DYNC1H1: variants seen among roughly 807,000 people sequenced by gnomAD.
DYNC1H1 encodes dynein cytoplasmic 1 heavy chain 1, also known as cytoplasmic dynein 1 heavy chain 1.
Under a neutral mutation model 527.1 loss-of-function variants are expected in DYNC1H1, and 51 were observed. That is an observed-to-expected ratio of 0.10 (90% CI 0.08 to 0.12). The LOEUF (loss-of-function observed/expected upper bound fraction) is 0.12. Ranked by LOEUF, DYNC1H1 falls within the 10% of genes least tolerant of loss-of-function variation. The probability of loss-of-function intolerance (pLI) is 1.00; values close to 1 mark genes in which losing one functional copy is unlikely to be tolerated. For synonymous variants in DYNC1H1, 2,189 were observed against 2,278.8 expected (o/e 0.96, Z 1.12); for missense variants, 2,771 against 5,971.8 (o/e 0.46, Z 17.66).
rs1259944858 is a variant in DYNC1H1, at chr14:101,986,828, T to C, written c.2538+65T>C. 6.4e-7 allele frequency: 1 copy of C among 1,574,320 alleles called. No homozygotes were observed. Among genetic ancestry groups the C allele is most frequent in the African/African-American group, 1.3e-5 (1 of 74,158 alleles). On this transcript the variant is annotated intron_variant, in intron 8 of 77. Coordinates refer to ENST00000360184, the MANE Select transcript of DYNC1H1 (RefSeq NM_001376.5). This position sits in a 1 kb window ranked among gnomAD's most constrained non-coding sequence, Gnocchi z 8.7. ...TGAAGCACAGTAATAGCGAGCTCAG[T>C]TAAAACACTAGTTCTCCCGAAGAAG...
In DYNC1H1 at chr14:101,987,569, G is replaced by A; in HGVS notation, c.2655G>A (p.Val885=). 1 of 1,614,120 alleles carries A rather than the reference G, an allele frequency of 6.2e-7. No individual in the cohort carries two copies. Among genetic ancestry groups the A allele is most frequent in the Non-Finnish European group, 8.5e-7 (1 of 1,180,028 alleles). The stretch of plus-strand genomic sequence containing the variant: ...TCTTGAACAGAGTCCAGAAAGCAGT[G>A]GATGACTTAAATCTGCACTCCTATT... ...SEILNRVQKA[V]DDLNLHSYSN... is the part of the protein sequence containing the mutation. Residue 885 remains valine (V), a synonymous_variant, in exon 9 of 78, where the codon GTG becomes GTA. Coordinates refer to ENST00000360184, the MANE Select transcript of DYNC1H1 (RefSeq NM_001376.5).
chr14:101,990,429 G>T (rs927404437), intron 10 of DYNC1H1, among the ~76,000 whole-genome samples: 1 of 152,204 alleles, frequency 6.6e-6, no homozygotes, highest in Non-Finnish European at 1.5e-5. Context: ...AGGTGAAGCA[G>T]CACCTGCTGT....
At chr14:102,034,616 C>T (rs1372262038) in intron 56 of DYNC1H1, 164 bp downstream of exon 56, 4 of 1,144,148 alleles carry the variant, frequency 3.5e-6, no homozygotes, top group African/African-American at 1.5e-5. Context: ...GTGCTGTTCT[C>T]GTTATTGTCA....
In DYNC1H1 at chr14:102,034,360, C is replaced by A; in HGVS notation, c.10662C>A (p.Ser3554=). ...RTDIARTEYL[S]NADERLRWQA... ...ATATTGCCAGGACGGAATACCTTTCCAATGCTGATGAGCGTCTTCGCTGGC... is the reference window on the plus strand; with the variant it reads ...ATATTGCCAGGACGGAATACCTTTCAAATGCTGATGAGCGTCTTCGCTGGC... Residue 3554 remains serine, a synonymous_variant, in exon 56 of 78, where the codon TCC becomes TCA. Transcript: ENST00000360184. The A allele has an allele frequency of 1.2e-6, 2 of 1,614,208 alleles. No homozygotes were observed. Among genetic ancestry groups the A allele is most frequent in the Non-Finnish European group, 8.5e-7 (1 of 1,180,042 alleles).
chr14:102,011,816 G>T lies in DYNC1H1; in HGVS notation c.6619-59G>T. 3 of 1,567,742 alleles carry T rather than the reference G, an allele frequency of 1.9e-6. No individual in the cohort carries two copies. Among genetic ancestry groups the T allele is most frequent in the South Asian group, 2.2e-5 (2 of 90,000 alleles). On this transcript the variant is annotated intron_variant, in intron 32 of 77. Transcript: ENST00000360184. The surrounding 1 kb of genome is among the most constrained non-coding windows in gnomAD (Gnocchi z 5.3). Reference sequence around the variant, plus strand: ...ACTTTCACAAGAGGTGGCTGGGCGAGGAGCTGTCCCCATTCCTCCTCTGGG... The same window carrying T: ...ACTTTCACAAGAGGTGGCTGGGCGATGAGCTGTCCCCATTCCTCCTCTGGG...
Position 101,997,908 on chromosome 14 carries a change from G to C in DYNC1H1, c.3804+634G>C, listed in dbSNP as rs1470221969. Among the ~76,000 whole-genome samples the C allele has an allele frequency of 1.3e-5, 2 of 152,178 alleles. No individual in the cohort carries two copies. The highest frequency in any genetic ancestry group is 2.9e-5 in the Non-Finnish European group (2 of 68,024). ...GAAGAGACAGGAAAGGCAGGTGGTGGTGCTGCTGCGACAGAAGCAGATGAG... is the reference window on the plus strand; with the variant it reads ...GAAGAGACAGGAAAGGCAGGTGGTGCTGCTGCTGCGACAGAAGCAGATGAG... On this transcript the variant is annotated intron_variant, in intron 16 of 77. Coordinates refer to ENST00000360184, the MANE Select transcript of DYNC1H1 (RefSeq NM_001376.5). This position sits in a 1 kb window ranked among gnomAD's most constrained non-coding sequence, Gnocchi z 4.8.
Position 102,033,262 on chromosome 14 carries a change from T to C in DYNC1H1, c.10198-7T>C. 6.2e-7 allele frequency: 1 copy of C among 1,614,206 alleles called. No homozygotes were observed. The highest frequency in any genetic ancestry group is 8.5e-7 in the Non-Finnish European group (1 of 1,180,038). On this transcript the variant is annotated splice_region_variant and splice_polypyrimidine_tract_variant and intron_variant, in intron 53 of 77. Coordinates refer to ENST00000360184, the MANE Select transcript of DYNC1H1 (RefSeq NM_001376.5). The surrounding 1 kb of genome is among the most constrained non-coding windows in gnomAD (Gnocchi z 5.6). ...TTAAATAACAGTTATCAATTGGTTC[T>C]TCCCAGCTTAACTATGCAGACATGT...
Position 102,015,481 on chromosome 14 carries a change from T to C in DYNC1H1, c.7242+149T>C. ...TCTCAAAGTGCTGGGATTACAGGCATGAGTCACTGTACCCAGCCAACTTTT... is the reference window on the plus strand; with the variant it reads ...TCTCAAAGTGCTGGGATTACAGGCACGAGTCACTGTACCCAGCCAACTTTT... On this transcript the variant is annotated intron_variant, in intron 35 of 77. Coordinates refer to ENST00000360184, the MANE Select transcript of DYNC1H1 (RefSeq NM_001376.5). This position sits in a 1 kb window ranked among gnomAD's most constrained non-coding sequence, Gnocchi z 6.9. 1 of 951,374 alleles carries C rather than the reference T, an allele frequency of 1.1e-6. No individual in the cohort carries two copies. The highest frequency in any genetic ancestry group is 1.5e-6 in the Non-Finnish European group (1 of 648,762). 58.9% of individuals were successfully genotyped at this position (951,374 alleles called of 1,614,324 possible).
rs370591110 is a variant in DYNC1H1 at position 102,005,859 on chromosome 14, G to T, written c.5434-29G>T. 8.1e-5 allele frequency: 130 copies of T among 1,613,266 alleles called. No homozygotes were observed. In the African/African-American group the frequency reaches 1.7e-3, roughly 21 times the overall value. On this transcript the variant is annotated intron_variant, in intron 26 of 77. Coordinates refer to ENST00000360184, the MANE Select transcript of DYNC1H1 (RefSeq NM_001376.5). This position sits in a 1 kb window ranked among gnomAD's most constrained non-coding sequence, Gnocchi z 4.0. ...TGCACTGTATTGCTTTAGTGTAGAT[G>T]AACTTTTAAAGTGACTCTCTTTCTT...
In DYNC1H1 at chr14:102,049,655, A is replaced by C; in HGVS notation, c.13516-59A>C. The C allele has an allele frequency of 6.2e-7, 1 of 1,613,358 alleles. No individual in the cohort carries two copies. The highest frequency in any genetic ancestry group is 8.5e-7 in the Non-Finnish European group (1 of 1,179,980). ...CTGGGGTGGGAGTGGCTCTGGGGAA[A>C]AACACAGGGCCCAGGTCTGACCTGA... On this transcript the variant is annotated intron_variant, in intron 75 of 77. Transcript: ENST00000360184. This position sits in a 1 kb window ranked among gnomAD's most constrained non-coding sequence, Gnocchi z 5.5.
rs1280878179 is a variant in DYNC1H1, at chr14:102,001,091, G to A, written c.4185+27G>A. 8.7e-6 allele frequency: 14 copies of A among 1,613,946 alleles called. No homozygotes were observed. The highest frequency in any genetic ancestry group is 2.7e-5 in the African/African-American group (2 of 75,024). On this transcript the variant is annotated intron_variant, in intron 19 of 77. Coordinates refer to ENST00000360184, the MANE Select transcript of DYNC1H1 (RefSeq NM_001376.5). This position sits in a 1 kb window ranked among gnomAD's most constrained non-coding sequence, Gnocchi z 5.0. ...TAGGTGGCCAGTATCGCACGGTGATGAGTGTCCATTAGAAACGCACCTGCA... is the reference window on the plus strand; with the variant it reads ...TAGGTGGCCAGTATCGCACGGTGATAAGTGTCCATTAGAAACGCACCTGCA...
Position 101,985,977 on chromosome 14 carries a change from T to C in DYNC1H1, c.1752T>C (p.Ile584=). Reference sequence around the variant, plus strand: ...AGAATGCCAACGAGATGTTTAGGATTTTCTCCAGGTTTAATGCACTGTTTG... The same window carrying C: ...AGAATGCCAACGAGATGTTTAGGATCTTCTCCAGGTTTAATGCACTGTTTG... ...TAKNANEMFR[I]FSRFNALFVR... Residue 584 remains isoleucine, a synonymous_variant, in exon 8 of 78, where the codon ATT becomes ATC. Coordinates refer to ENST00000360184, the MANE Select transcript of DYNC1H1 (RefSeq NM_001376.5). This position sits in a 1 kb window ranked among gnomAD's most constrained non-coding sequence, Gnocchi z 5.9. 6.2e-7 allele frequency: 1 copy of C among 1,614,160 alleles called. No individual in the cohort carries two copies. The highest frequency in any genetic ancestry group is 1.1e-5 in the South Asian group (1 of 91,082).
At chr14:101,996,460 G>T (rs2048063574) in intron 15 of DYNC1H1, among the ~76,000 whole-genome samples, 1 of 151,938 alleles carries the variant, frequency 6.6e-6, no homozygotes, top group South Asian at 2.1e-4. Flanking sequence ...GGAATAAAGG[G>T]TGAAGCCCAG....
chr14:102,042,556 C>G lies in DYNC1H1; in HGVS notation c.12399+49C>G. ...CGTTGCAGGCTGGCCTGGCACTGTG[C>G]TGTCGGCACGTGTGTGGTGGAATTG... On this transcript the variant is annotated intron_variant, in intron 68 of 77. Transcript: ENST00000360184. This position sits in a 1 kb window ranked among gnomAD's most constrained non-coding sequence, Gnocchi z 5.7. 1 of 1,613,800 alleles carries G rather than the reference C, an allele frequency of 6.2e-7. No homozygotes were observed. The highest frequency in any genetic ancestry group is 1.1e-5 in the South Asian group (1 of 91,028).
chr14:102,041,579 A>G lies in DYNC1H1; in HGVS notation c.11947A>G (p.Ile3983Val). The G allele has an allele frequency of 1.9e-6, 3 of 1,614,000 alleles. No individual in the cohort carries two copies. The highest frequency in any genetic ancestry group is 2.5e-6 in the Non-Finnish European group (3 of 1,179,992). ...CCCCTCTGTACCTGTTTCAGCACCC[A>G]TTGGCCAGGCCATCCACCGCCTGCT... is the stretch of plus-strand genomic sequence containing the variant. ...LWSEETPATPIGQAIHRLLLI... is the reference protein window; with the variant it reads ...LWSEETPATPVGQAIHRLLLI... The change falls in exon 65 of 78, where the codon ATT becomes GTT. Residue 3983 changes from isoleucine to valine, a missense_variant. This residue lies in a region of DYNC1H1 where 120 missense variants were observed against 161.9 expected (regional missense o/e 0.74). Transcript: ENST00000360184. This position sits in a 1 kb window ranked among gnomAD's most constrained non-coding sequence, Gnocchi z 4.5.
chr14:102,030,667 T>C, intron 51 of DYNC1H1: 1 of 301,826 alleles, frequency 3.3e-6, no homozygotes. Context: ...TGTTTCTGAG[T>C]GTTCTAGCTA....
rs1595618110 is a variant in DYNC1H1, at chr14:102,017,605, A to G, written c.8177+101A>G. The G allele has an allele frequency of 6.3e-7, 1 of 1,585,250 alleles. No homozygotes were observed. Among genetic ancestry groups the G allele is most frequent in the Admixed American group, 1.7e-5 (1 of 59,644 alleles). On this transcript the variant is annotated intron_variant, in intron 40 of 77. Transcript: ENST00000360184. This position sits in a 1 kb window ranked among gnomAD's most constrained non-coding sequence, Gnocchi z 4.6. ...ACCTGGTTTTGATAATAAAGACAAC[A>G]ATACTGCTTATTGTGGATTCCTCTT...
chr14:102,029,152 A>G lies in DYNC1H1; in HGVS notation c.9469-387A>G. ...TAGTCTGATCATCTTGCTGTGCTTC[A>G]GAAATCAAGGGACCAGAGCAGTTTC... is the stretch of plus-strand genomic sequence containing the variant. On this transcript the variant is annotated intron_variant, in intron 48 of 77. Transcript: ENST00000360184. This position sits in a 1 kb window ranked among gnomAD's most constrained non-coding sequence, Gnocchi z 5.3. 1 of 290,086 alleles carries G rather than the reference A, an allele frequency of 3.4e-6. No individual in the cohort carries two copies. The highest frequency in any genetic ancestry group is 3.5e-5 in the South Asian group (1 of 28,788). 18.0% of individuals were successfully genotyped at this position (290,086 alleles called of 1,614,324 possible).
chr14:102,009,728 A>G (rs2048237241), intron 29 of DYNC1H1, 115 bp from the exon 30 acceptor site: 2 of 1,541,970 alleles, frequency 1.3e-6, no homozygotes, highest in Non-Finnish European at 1.8e-6. Context: ...GGAAGCGTCT[A>G]CTTCAGCTCC....
Sources: allele counts gnomAD v4.1 joint callset (sites outside exome capture counted in the v4.1 genomes callset), GRCh38; gene constraint gnomAD v4.1.1; regional missense constraint gnomAD v4.1.1; non-coding constraint Gnocchi (gnomAD v3.1); transcripts MANE v1.5; gene names NCBI Gene and HGNC (gene_info 2026-07-23, HGNC 2026-07-21).